The following GLIPR1 variants were observed in gnomAD, a reference collection of about 807,000 sequenced individuals.
The protein encoded by GLIPR1 is glioma pathogenesis-related protein 1.
In GLIPR1, 38 loss-of-function variants were observed where a neutral mutation model predicts 30.3. The ratio of observed to expected loss-of-function variants is 1.26; its 90% CI spans 0.97 to 1.65. The LOEUF is 1.65. Ranked by LOEUF, GLIPR1 falls within the 40% of genes most tolerant of loss-of-function variation. The pLI, the probability that GLIPR1 is intolerant of heterozygous loss-of-function variation, is 0.00. For synonymous variants in GLIPR1, 122 were observed against 110.6 expected (o/e 1.10, Z -0.65); for missense variants, 285 against 326.5 (o/e 0.87, Z 0.98).
Position 75,482,396 on chromosome 12 carries a change from G to A in GLIPR1, c.420+317G>A, listed in dbSNP as rs529516839. Among the ~76,000 whole-genome samples, 56 of 152,260 alleles carry A rather than the reference G, an allele frequency of 3.7e-4. 1 individual carries two copies. The South Asian group carries it at 0.011, about 30-fold the overall frequency. On this transcript the variant is annotated intron_variant, in intron 2 of 5. Transcript: ENST00000266659. ...TGAGTGAAAGGATTTTCAGGTTCCAGCTGTAGCATGAGTTTTAAATGAAAT... is the reference window on the plus strand; with the variant it reads ...TGAGTGAAAGGATTTTCAGGTTCCAACTGTAGCATGAGTTTTAAATGAAAT...
chr12:75,490,115 T>G (rs551023326), intron 2 of GLIPR1, among the ~76,000 whole-genome samples: 1 of 151,794 alleles, frequency 6.6e-6, no homozygotes, highest in Admixed American at 6.6e-5. Context: ...CCAAGTAAAA[T>G]CAGCATCACC....
intron 4 of GLIPR1, chr12:75,497,208 C>T (rs1233863846): frequency 6.6e-6 from 1 of 152,056 alleles, no homozygotes; most frequent in Non-Finnish European, 1.5e-5. Context: ...AAAATGTTTC[C>T]CTTTAAAAAT....
chr12:75,490,465 T>C lies in GLIPR1; in HGVS notation c.480T>C (p.Ser160=), dbSNP rs564594533. 222 of 1,582,486 alleles carry C rather than the reference T, an allele frequency of 1.4e-4. No individual in the cohort carries two copies. The highest frequency in any genetic ancestry group is 1.9e-4 in the Non-Finnish European group (218 of 1,161,136). Residue 160 remains serine (S), a synonymous_variant, in exon 3 of 6, where the codon TCT becomes TCC. Transcript: ENST00000266659. ...CAGTTCAATTTTGCCCTAAAGTTTC[T>C]GGCTTTGACGCTCTTTCCAATGGAG... ...GCAVQFCPKV[S]GFDALSNGAH...
intron 2 of GLIPR1, among the ~76,000 whole-genome samples, chr12:75,488,039 A>C (rs1046598778): frequency 2.0e-5 from 3 of 152,138 alleles, no homozygotes; most frequent in Non-Finnish European, 4.4e-5. Context: ...GGAGTGCAGC[A>C]GTGAGGACAC....
At position 75,502,230 on chromosome 12, in the gene GLIPR1, T is replaced by C. The variant is rs1185292434; in HGVS notation, c.*3252T>C. On this transcript the variant is annotated 3_prime_UTR_variant, in exon 6 of 6. Coordinates refer to ENST00000266659, the MANE Select transcript of GLIPR1 (RefSeq NM_006851.3). Reference sequence around the variant, plus strand: ...TACAACCCAGAGTAGTTCAGGGATATGGCATGGAAGGTCACTGATTCAGAA... The same window carrying C: ...TACAACCCAGAGTAGTTCAGGGATACGGCATGGAAGGTCACTGATTCAGAA... 3 of 388,368 alleles carry C rather than the reference T, an allele frequency of 7.7e-6. No individual in the cohort carries two copies. Among genetic ancestry groups the C allele is most frequent in the Non-Finnish European group, 1.4e-5 (3 of 216,700 alleles). The allele number at this position is 388,368 out of a possible 1,614,324, so 24.1% of individuals were successfully genotyped here. A position where few individuals can be genotyped will look rare whatever the true frequency, so the allele number is the denominator to read the frequency against.
chr12:75,481,357 C>CTTTTTTTTTTTTTTTTTTTT (rs72137011), intron 1 of GLIPR1: 1 of 144,304 alleles, frequency 6.9e-6, no homozygotes, highest in Non-Finnish European at 1.4e-5. Context: ...ATTTGGTTTT[C>CTTTTTTTTTTTTTTTTTTTT]TTTTTTTTTT....
chr12:75,490,156 G>A (rs979749479), intron 2 of GLIPR1, among the ~76,000 whole-genome samples: 7 of 148,762 alleles, frequency 4.7e-5, no homozygotes, highest in South Asian at 2.1e-4. Context: ...TTGCATTACC[G>A]TTTTATTTCT....
Position 75,503,837 on chromosome 12 carries a change from TAA to T in GLIPR1, c.*4861_*4862del. The T allele has an allele frequency of 7.2e-7, 1 of 1,396,400 alleles. No homozygotes were observed. 86.5% of individuals were successfully genotyped at this position (1,396,400 alleles called of 1,614,324 possible). The stretch of plus-strand genomic sequence containing the variant: ...CATATCCCACCTGAAATACTTTCAA[TAA>T]AGTTTCTGACCAAATACATTAAAAT... On this transcript the variant is annotated 3_prime_UTR_variant, in exon 6 of 6. Transcript: ENST00000266659.
rs183425166 is a variant in GLIPR1 at position 75,499,097 on chromosome 12, T to C, written c.*119T>C. 8.7e-6 allele frequency: 5 copies of C among 572,268 alleles called. No homozygotes were observed. Among genetic ancestry groups the C allele is most frequent in the East Asian group, 3.1e-5 (1 of 32,274 alleles). The allele number at this position is 572,268 out of a possible 1,614,324, so 35.4% of individuals were successfully genotyped here. On this transcript the variant is annotated 3_prime_UTR_variant, in exon 6 of 6. Transcript: ENST00000266659. ...ACATTTCAGAAAAAAATATATGTTA[T>C]AGCAATACTCTTACTCAAAAGAAGA...
intron 2 of GLIPR1, among the ~76,000 whole-genome samples, chr12:75,488,430 G>A (rs899025853): frequency 6.6e-6 from 1 of 152,106 alleles, no homozygotes; most frequent in African/African-American, 2.4e-5. Flanking sequence ...CCAGCTACTT[G>A]GGAGCCTGAG....
At chr12:75,483,871 A>AATAT (rs1277802612) in intron 2 of GLIPR1, 6 of 152,322 alleles carry the variant, frequency 3.9e-5, no homozygotes, top group Non-Finnish European at 1.5e-5. Flanking sequence ...CAGCATGCCA[A>AATAT]ATATATAGAG....
chr12:75,502,142 A>G lies in GLIPR1; in HGVS notation c.*3164A>G. The stretch of plus-strand genomic sequence containing the variant: ...AAAATGGTAGTGACATAAAGGAAAC[A>G]GAGTCTAAGCTGAGGGGAATACATA... On this transcript the variant is annotated 3_prime_UTR_variant, in exon 6 of 6. Coordinates refer to ENST00000266659, the MANE Select transcript of GLIPR1 (RefSeq NM_006851.3). The G allele has an allele frequency of 1.5e-6, 1 of 688,422 alleles. No individual in the cohort carries two copies. The allele number at this position is 688,422 out of a possible 1,614,324, so 42.6% of individuals were successfully genotyped here.
chr12:75,481,825 T>C lies in GLIPR1; in HGVS notation c.175-9T>C. On this transcript the variant is annotated splice_polypyrimidine_tract_variant and intron_variant, in intron 1 of 5. Transcript: ENST00000266659. Reference sequence around the variant, plus strand: ...TGAACCCCCTATTGTTTAATGTTTATTTTTGCAGACTTGGGACCCAGCACT... The same window carrying C: ...TGAACCCCCTATTGTTTAATGTTTACTTTTGCAGACTTGGGACCCAGCACT... The C allele has an allele frequency of 6.2e-7, 1 of 1,613,580 alleles. No individual in the cohort carries two copies. The highest frequency in any genetic ancestry group is 8.5e-7 in the Non-Finnish European group (1 of 1,179,524).
At chr12:75,494,025 T>A (rs1035368042) in intron 3 of GLIPR1, 1 of 152,240 alleles carries the variant, frequency 6.6e-6, no homozygotes, top group Non-Finnish European at 1.5e-5. Context: ...TAATGTCTAT[T>A]TTGGACATCT....
Position 75,481,951 on chromosome 12 carries a change from G to T in GLIPR1, c.292G>T (p.Glu98Ter), listed in dbSNP as rs377252118. 5 of 1,614,194 alleles carry T rather than the reference G, an allele frequency of 3.1e-6. No individual in the cohort carries two copies. Among genetic ancestry groups the T allele is most frequent in the Non-Finnish European group, 4.2e-6 (5 of 1,180,024 alleles). Residue 98 changes from glutamate (E) to a stop codon, truncating the protein, a stop_gained, in exon 2 of 6, where the codon GAG becomes TAG. Transcript: ENST00000266659. LOFTEE classifies it high-confidence loss of function. ...GCACCCAAACTTCACTTCACTGGGA[G>T]AGAACATCTGGACTGGGTCTGTGCC... ...KLHPNFTSLG[E>*]NIWTGSVPIF...
At chr12:75,490,623 A>C in intron 3 of GLIPR1, 105 bp downstream of exon 3, 1 of 586,210 alleles carries the variant, frequency 1.7e-6, no homozygotes, top group Non-Finnish European at 3.0e-6. Flanking sequence ...TCATTATAGA[A>C]AATCTGGATA....
chr12:75,487,793 GC>G (rs748770706), intron 2 of GLIPR1: 1 of 456,352 alleles, frequency 2.2e-6, no homozygotes, highest in South Asian at 1.5e-5. Context: ...CTTGAATCTC[GC>G]GCGAGAAAAT....
intron 1 of GLIPR1, 25 bp downstream of exon 1, chr12:75,481,079 G>A: frequency 6.4e-7 from 1 of 1,571,698 alleles, no homozygotes; most frequent in Non-Finnish European, 8.7e-7. Flanking sequence ...ATTAATTGTG[G>A]CGTCAGTCAG....
Position 75,481,824 on chromosome 12 carries a change from A to G in GLIPR1, c.175-10A>G, listed in dbSNP as rs2046272226. On this transcript the variant is annotated splice_polypyrimidine_tract_variant and intron_variant, in intron 1 of 5. Coordinates refer to ENST00000266659, the MANE Select transcript of GLIPR1 (RefSeq NM_006851.3). ...ATGAACCCCCTATTGTTTAATGTTTATTTTTGCAGACTTGGGACCCAGCAC... is the reference window on the plus strand; with the variant it reads ...ATGAACCCCCTATTGTTTAATGTTTGTTTTTGCAGACTTGGGACCCAGCAC... 6.2e-7 allele frequency: 1 copy of G among 1,613,274 alleles called. No individual in the cohort carries two copies.
Sources: allele counts gnomAD v4.1 joint callset (sites outside exome capture counted in the v4.1 genomes callset), GRCh38; gene constraint gnomAD v4.1.1; transcripts MANE v1.5; gene names NCBI Gene and HGNC (gene_info 2026-07-23, HGNC 2026-07-21).